Variants in KRTAP4-9 observed in about 807,000 individuals in gnomAD.
KRTAP4-9 encodes keratin associated protein 4-9, also known as keratin-associated protein 4-9.
Under a neutral mutation model 4.3 loss-of-function variants are expected in KRTAP4-9, and 4 were observed. That is an observed-to-expected ratio of 0.94 (90% confidence interval 0.46 to 2.15). The LOEUF (loss-of-function observed/expected upper bound fraction) is 2.15. Ranked by LOEUF, KRTAP4-9 falls within the 30% of genes most tolerant of loss-of-function variation. The pLI, the probability that KRTAP4-9 is intolerant of heterozygous loss-of-function variation, is 0.02. For missense variants in KRTAP4-9, 297 were observed against 278.5 expected (o/e 1.07, Z -0.47); for synonymous variants, 111 against 99.2 (o/e 1.12, Z -0.70).
chr17:41,106,175 CTT>C, exon 1 of KRTAP4-9: 1 of 1,300,344 alleles, frequency 7.7e-7, no homozygotes, highest in Non-Finnish European at 1.0e-6. Flanking sequence ...TTCACTGACT[CTT>C]TGAGAACATT....
At chr17:41,106,104 G>C (rs2014087654) in exon 1 of KRTAP4-9, 2 of 1,479,222 alleles carry the variant, frequency 1.4e-6, no homozygotes, top group Non-Finnish European at 1.8e-6. Flanking sequence ...TAGGATACAG[G>C]AAGTGGGGTT....
chr17:41,105,889 C>A, exon 1 of KRTAP4-9: 1 of 1,597,196 alleles, frequency 6.3e-7, no homozygotes, highest in Non-Finnish European at 8.5e-7. Flanking sequence ...GCTGTGAATC[C>A]AGCTGCTGCC....
chr17:41,106,200 A>C, exon 1 of KRTAP4-9: 1 of 1,158,092 alleles, frequency 8.6e-7, no homozygotes. Flanking sequence ...GATTCATTTT[A>C]AACTCCCTCC....
exon 1 of KRTAP4-9, chr17:41,106,021 A>C: frequency 1.9e-6 from 3 of 1,577,078 alleles, no homozygotes; most frequent in Non-Finnish European, 2.6e-6. Context: ...CTTGCTGCTG[A>C]GCCCACTGCC....
At chr17:41,106,196 T>A (rs1361507989) in exon 1 of KRTAP4-9, 4 of 1,182,000 alleles carry the variant, frequency 3.4e-6, no homozygotes, top group Admixed American at 6.2e-5. Flanking sequence ...TTCTGATTCA[T>A]TTTAAACTCC....
chr17:41,105,618 C>A, exon 1 of KRTAP4-9: 1 of 1,597,254 alleles, frequency 6.3e-7, no homozygotes, highest in Non-Finnish European at 8.5e-7. Flanking sequence ...TGTTGCAGGA[C>A]CACCTGCTAC....
exon 1 of KRTAP4-9, chr17:41,106,004 G>A (rs1484760976): frequency 1.5e-5 from 24 of 1,586,740 alleles, no homozygotes; most frequent in Non-Finnish European, 2.0e-5. Flanking sequence ...CTTGTGCTGT[G>A]CCTCCTCTTG....
exon 1 of KRTAP4-9, chr17:41,105,978 C>T (rs779020479): frequency 6.3e-7 from 1 of 1,596,148 alleles, no homozygotes; most frequent in South Asian, 1.1e-5. Context: ...TGTGTCATCT[C>T]CAGCTGCCCC....
At chr17:41,105,454 G>T in exon 1 of KRTAP4-9, 2 of 1,613,594 alleles carry the variant, frequency 1.2e-6, no homozygotes, top group South Asian at 1.1e-5. Flanking sequence ...TCTGTCAGGA[G>T]ACCTGCTGCC....
chr17:41,105,618 C>G, exon 1 of KRTAP4-9: 1 of 1,597,254 alleles, frequency 6.3e-7, no homozygotes, highest in Non-Finnish European at 8.5e-7. Context: ...TGTTGCAGGA[C>G]CACCTGCTAC....
At chr17:41,105,529 C>T (rs1397416475) in exon 1 of KRTAP4-9, 1 of 1,563,552 alleles carries the variant, frequency 6.4e-7, no homozygotes. Context: ...GTTGTGTATC[C>T]AGCTGCTGCA....
exon 1 of KRTAP4-9, chr17:41,106,321 G>T: frequency 1.8e-6 from 1 of 541,830 alleles, no homozygotes; most frequent in Non-Finnish European, 3.2e-6. Context: ...TCACTTTGAG[G>T]TACAGATCTT....
At position 41,105,869 on chromosome 17, in the gene KRTAP4-9, C is replaced by G. The variant is rs766734773; in HGVS notation, c.481C>G (p.Arg161Gly). 5.5e-5 allele frequency: 85 copies of G among 1,531,846 alleles called. No individual in the cohort carries two copies. Among genetic ancestry groups the G allele is most frequent in the Non-Finnish European group, 5.1e-5 (59 of 1,157,264 alleles). The allele number at this position is 1,531,846 out of a possible 1,614,324, so 94.9% of individuals were successfully genotyped here. A position where few individuals can be genotyped will look rare whatever the true frequency, so the allele number is the denominator to read the frequency against. Reference sequence around the variant, plus strand: ...CAGCTGCAGCATCTCCAGCTGCTGCCGCCCCTCTTGCTGTGAATCCAGCTG... The same window carrying G: ...CAGCTGCAGCATCTCCAGCTGCTGCGGCCCCTCTTGCTGTGAATCCAGCTG... The change falls in exon 1 of 1, where the codon CGC becomes GGC. Residue 161 changes from arginine to glycine, a missense_variant. By Grantham distance (125) the Arg-to-Gly change is moderately radical. Transcript: ENST00000391415.
exon 1 of KRTAP4-9, chr17:41,106,009 C>G (rs559798754): frequency 6.3e-7 from 1 of 1,584,810 alleles, no homozygotes; most frequent in South Asian, 1.1e-5. Flanking sequence ...GCTGTGCCTC[C>G]TCTTGCTGCT....
At chr17:41,105,677 C>A (rs532380081) in exon 1 of KRTAP4-9, 3 of 1,558,892 alleles carry the variant, frequency 1.9e-6, no homozygotes, top group South Asian at 2.3e-5. Context: ...GTGCTGCCAG[C>A]CTGCGTGCTG....
At chr17:41,105,942 G>C (rs776950028) in exon 1 of KRTAP4-9, 1 of 1,605,804 alleles carries the variant, frequency 6.2e-7, no homozygotes, top group Non-Finnish European at 8.5e-7. Flanking sequence ...CGAGTCTCCT[G>C]CCACACCACT....
At chr17:41,106,011 C>G (rs2014084839) in exon 1 of KRTAP4-9, 3 of 1,584,330 alleles carry the variant, frequency 1.9e-6, no homozygotes, top group Non-Finnish European at 1.7e-6. Flanking sequence ...TGTGCCTCCT[C>G]TTGCTGCTGA....
exon 1 of KRTAP4-9, chr17:41,106,154 C>T (rs2014088655): frequency 7.9e-6 from 11 of 1,389,932 alleles, no homozygotes; most frequent in African/African-American, 2.9e-5. Context: ...TTCCAATGAG[C>T]CCATCACCAT....
exon 1 of KRTAP4-9, chr17:41,105,474 G>T (rs753603468): frequency 6.2e-7 from 1 of 1,603,812 alleles, no homozygotes; most frequent in South Asian, 1.1e-5. Context: ...CGCCCCAGCT[G>T]CTGTGAGACC....
Sources: gnomAD v4.1 joint callset for allele counts on GRCh38, gnomAD v4.1.1 for gene constraint, MANE v1.5 for transcripts, NCBI Gene and HGNC (gene_info 2026-07-23, HGNC 2026-07-21) for gene names.